Variants in FCRL2 observed in about 807,000 individuals in gnomAD.
FCRL2 encodes Fc receptor-like protein 2.
In FCRL2, 48 loss-of-function variants were observed where a neutral mutation model predicts 59.8. That is an observed-to-expected ratio of 0.80 (90% CI 0.64 to 1.02). The LOEUF is 1.02. Among genes scored for constraint, FCRL2 ranks in the 50% least tolerant of loss-of-function variants. FCRL2 has a pLI of 0.00. For missense variants in FCRL2, 658 were observed against 597.3 expected (o/e 1.10, Z -1.06); for synonymous variants, 251 against 229.5 (o/e 1.09, Z -0.85).
In FCRL2 at chr1:157,746,629, C is replaced by T; in HGVS notation, c.*107G>A. The T allele has an allele frequency of 8.9e-7, 1 of 1,123,066 alleles. No homozygotes were observed. Among genetic ancestry groups the T allele is most frequent in the African/African-American group, 1.5e-5 (1 of 64,576 alleles). 69.6% of individuals were successfully genotyped at this position (1,123,066 alleles called of 1,614,324 possible). A position where few individuals can be genotyped will look rare whatever the true frequency, so the allele number is the denominator to read the frequency against. On this transcript the variant is annotated 3_prime_UTR_variant, in exon 12 of 12. Coordinates refer to ENST00000361516, the MANE Select transcript of FCRL2 (RefSeq NM_030764.4). Reference sequence around the variant, plus strand: ...CAGGAGGTGCCTCCTGAGGCACGTTCTGGCTGTGGCAGGTGATAAGCCTCA... The same window carrying T: ...CAGGAGGTGCCTCCTGAGGCACGTTTTGGCTGTGGCAGGTGATAAGCCTCA...
intron 7 of FCRL2, among the ~76,000 whole-genome samples, chr1:157,755,616 T>C (rs987942763): frequency 6.6e-6 from 1 of 152,206 alleles, no homozygotes; most frequent in Non-Finnish European, 1.5e-5. Flanking sequence ...CATCTAAATC[T>C]CCATCAATAG....
In FCRL2 at chr1:157,767,364, G is replaced by A; in HGVS notation, c.1029C>T (p.Asn343=). ...CCCCTCCTCCAGAGGGGGCCGAGCT[G>A]TTCCCAAGGGTGACATCCTCATGAT... is the stretch of plus-strand genomic sequence containing the variant. ...QFYHEDVTLG[N]SSAPSGGGAS... The change falls in exon 6 of 12, where the codon AAC becomes AAT. Residue 343 remains asparagine, a synonymous_variant. Transcript: ENST00000361516. 1 of 1,614,242 alleles carries A rather than the reference G, an allele frequency of 6.2e-7. No homozygotes were observed. Among genetic ancestry groups the A allele is most frequent in the Non-Finnish European group, 8.5e-7 (1 of 1,180,046 alleles).
rs1381992073 is a variant in FCRL2, at chr1:157,767,381, C to T, written c.1012G>A (p.Asp338Asn). 1 of 1,614,232 alleles carries T rather than the reference C, an allele frequency of 6.2e-7. No homozygotes were observed. The highest frequency in any genetic ancestry group is 8.5e-7 in the Non-Finnish European group (1 of 1,180,040). Residue 338 changes from aspartate to asparagine, a missense_variant, in exon 6 of 12, where the codon GAT becomes AAT. Transcript: ENST00000361516. Reference protein sequence around the residue: ...PPILYQFYHEDVTLGNSSAPS... With the variant: ...PPILYQFYHENVTLGNSSAPS... ...GCCGAGCTGTTCCCAAGGGTGACAT[C>T]CTCATGATAAAATTGGTACAAGATT...
intron 2 of FCRL2, among the ~76,000 whole-genome samples, chr1:157,774,034 G>A (rs2101768774): frequency 6.6e-6 from 1 of 152,322 alleles, no homozygotes; most frequent in Admixed American, 6.5e-5. Flanking sequence ...AAGATGTACA[G>A]GACTGAATAA....
chr1:157,754,254 A>T (rs1382163821), intron 7 of FCRL2, among the ~76,000 whole-genome samples: 1 of 152,212 alleles, frequency 6.6e-6, no homozygotes, highest in African/African-American at 2.4e-5. Flanking sequence ...GCAGTAAAGA[A>T]GCCAGCAGAA....
chr1:157,762,415 G>A (rs1230493449), intron 7 of FCRL2, among the ~76,000 whole-genome samples: 1 of 152,208 alleles, frequency 6.6e-6, no homozygotes, highest in African/African-American at 2.4e-5. Context: ...ATGTGATTAA[G>A]TCACTTGGAG....
At chr1:157,761,180 G>A (rs2101711474) in intron 7 of FCRL2, among the ~76,000 whole-genome samples, 1 of 152,324 alleles carries the variant, frequency 6.6e-6, no homozygotes, top group Non-Finnish European at 1.5e-5. Context: ...CTTATGGGAG[G>A]AGAATAGGTA....
chr1:157,761,395 C>T (rs895804435), intron 7 of FCRL2, among the ~76,000 whole-genome samples: 3 of 152,244 alleles, frequency 2.0e-5, no homozygotes, highest in African/African-American at 7.2e-5. Flanking sequence ...TCAGGCAGAT[C>T]GCTTGAGCTC....
At chr1:157,774,439 T>A (rs1469814528) in intron 2 of FCRL2, 1 of 456,512 alleles carries the variant, frequency 2.2e-6, no homozygotes, top group Non-Finnish European at 4.4e-6. Context: ...CATGCTGAAC[T>A]AAGTTCTCTC....
chr1:157,768,707 T>C lies in FCRL2; in HGVS notation c.596-6A>G, dbSNP rs1254286260. The C allele has an allele frequency of 6.2e-7, 1 of 1,602,054 alleles. No individual in the cohort carries two copies. The highest frequency in any genetic ancestry group is 1.3e-5 in the African/African-American group (1 of 74,544). The stretch of plus-strand genomic sequence containing the variant: ...TACATTAGAGATGGGGATTCCTAGA[T>C]GGATATAAGACAACAGGTGAGAACT... On this transcript the variant is annotated splice_region_variant and splice_polypyrimidine_tract_variant and intron_variant, in intron 4 of 11. Transcript: ENST00000361516.
intron 7 of FCRL2, among the ~76,000 whole-genome samples, chr1:157,764,970 T>C (rs370172614): frequency 3.3e-5 from 5 of 151,544 alleles, no homozygotes; most frequent in African/African-American, 1.2e-4. Context: ...ATGATAACAG[T>C]CAGAGCACAA....
At chr1:157,760,692 AAAGAAGG>A in intron 7 of FCRL2, among the ~76,000 whole-genome samples, 1 of 129,474 alleles carries the variant, frequency 7.7e-6, no homozygotes, top group Non-Finnish European at 1.5e-5. Flanking sequence ...AGAAAGAAAG[AAAGAAGG>A]AAAGAAAGAA....
intron 7 of FCRL2, chr1:157,766,470 C>CA (rs1242299553): frequency 0.013 from 2,157 of 169,432 alleles, 5 homozygotes; most frequent in Middle Eastern, 0.024. Flanking sequence ...GACTCTGTCT[C>CA]AAAAAAAAAA....
At chr1:157,753,036 A>G (rs1331075053) in intron 7 of FCRL2, among the ~76,000 whole-genome samples, 1 of 152,122 alleles carries the variant, frequency 6.6e-6, no homozygotes, top group African/African-American at 2.4e-5. Flanking sequence ...ACACACACAA[A>G]CACACGTATG....
intron 10 of FCRL2, among the ~76,000 whole-genome samples, chr1:157,747,398 G>A (rs1423595796): frequency 6.6e-6 from 1 of 152,224 alleles, no homozygotes; most frequent in Admixed American, 6.5e-5. Context: ...ATAGTGGGAT[G>A]ACATCCCTTT....
In FCRL2 at chr1:157,748,930, G is replaced by A; in HGVS notation, c.1338C>T (p.Phe446=). Reference sequence around the variant, plus strand: ...TGTCTGGGGTTGGGCTTGAATAGGTGAACTCTTGAGGATTTGGCCTGGAAG... The same window carrying A: ...TGTCTGGGGTTGGGCTTGAATAGGTAAACTCTTGAGGATTTGGCCTGGAAG... ...RGASRPNPQE[F]TYSSPTPDME... The change falls in exon 9 of 12, where the codon TTC becomes TTT. Residue 446 remains phenylalanine, a synonymous_variant. Coordinates refer to ENST00000361516, the MANE Select transcript of FCRL2 (RefSeq NM_030764.4). 1 of 1,614,028 alleles carries A rather than the reference G, an allele frequency of 6.2e-7. No homozygotes were observed. The highest frequency in any genetic ancestry group is 1.1e-5 in the South Asian group (1 of 91,072).
chr1:157,776,907 C>T (rs943747993), intron 1 of FCRL2, 136 bp downstream of exon 1: 2 of 791,912 alleles, frequency 2.5e-6, no homozygotes, highest in East Asian at 2.5e-5. Flanking sequence ...TTTGCATCTG[C>T]CTTTGAAGCC....
intron 7 of FCRL2, among the ~76,000 whole-genome samples, chr1:157,760,723 G>GAAAGAAAGAA: frequency 7.0e-6 from 1 of 142,540 alleles, no homozygotes; most frequent in East Asian, 2.1e-4. Flanking sequence ...AAGAAAGAAA[G>GAAAGAAAGAA]AAAGAAAGAA....
At chr1:157,747,474 T>G (rs1055909350) in intron 10 of FCRL2, among the ~76,000 whole-genome samples, 2 of 152,182 alleles carry the variant, frequency 1.3e-5, no homozygotes, top group Non-Finnish European at 2.9e-5. Flanking sequence ...TCTGCTAGGC[T>G]GGTCAGATAG....
Sources: allele counts gnomAD v4.1 joint callset (sites outside exome capture counted in the v4.1 genomes callset), GRCh38; gene constraint gnomAD v4.1.1; transcripts MANE v1.5; gene names NCBI Gene and HGNC (gene_info 2026-07-23, HGNC 2026-07-21).